PHRF1: variants seen among roughly 807,000 people sequenced by gnomAD.
The protein encoded by PHRF1 is PHD and RING finger domain-containing protein 1.
A neutral mutation model predicts 128.9 loss-of-function variants in PHRF1; 53 were observed. That is an observed-to-expected ratio of 0.41 (90% CI 0.33 to 0.52). The LOEUF is 0.52. Ranked by LOEUF, PHRF1 falls within the 20% of genes least tolerant of loss-of-function variation. The pLI is 0.21. For synonymous variants in PHRF1, 1,178 were observed against 980.6 expected, an observed-to-expected ratio of 1.20 and a Z score of -3.76; for missense variants, 2,503 against 2,284.5, an observed-to-expected ratio of 1.10 and a Z score of -1.95.
intron 1 of PHRF1, among the ~76,000 whole-genome samples, chr11:577,420 C>G (rs546623759): frequency 6.6e-6 from 1 of 152,352 alleles, no homozygotes; most frequent in South Asian, 2.1e-4. Flanking sequence ...TGGACAGGCT[C>G]TGAGGCCGAG....
At chr11:580,464 C>T (rs1331232203) in intron 1 of PHRF1, among the ~76,000 whole-genome samples, 3 of 152,190 alleles carry the variant, frequency 2.0e-5, no homozygotes, top group Non-Finnish European at 4.4e-5. Context: ...TCTGTGCCTT[C>T]TGCCTCCTCA....
At chr11:606,913 C>T in intron 13 of PHRF1, 153 bp from the exon 14 acceptor site, 2 of 1,273,084 alleles carry the variant, frequency 1.6e-6, no homozygotes, top group Non-Finnish European at 1.1e-6. Flanking sequence ...AAGCAGCTCT[C>T]CGGGTGTGGA....
At chr11:611,255 T>C (rs1430879910) in intron 17 of PHRF1, among the ~76,000 whole-genome samples, 173 bp downstream of exon 17, 1 of 152,172 alleles carries the variant, frequency 6.6e-6, no homozygotes, top group Middle Eastern at 3.2e-3. Context: ...TCAAGCCTGT[T>C]CGCCTGTGGC....
intron 1 of PHRF1, among the ~76,000 whole-genome samples, chr11:577,388 C>A (rs980980878): frequency 6.6e-6 from 1 of 152,216 alleles, no homozygotes; most frequent in African/African-American, 2.4e-5. Flanking sequence ...GCTGGGTGAA[C>A]CACGTTCTGG....
chr11:606,747 T>A, intron 13 of PHRF1, 151 bp downstream of exon 13: 1 of 1,208,598 alleles, frequency 8.3e-7, no homozygotes, highest in East Asian at 2.6e-5. Context: ...ATTTCCCTTC[T>A]TGAGCAGTTT....
intron 3 of PHRF1, among the ~76,000 whole-genome samples, chr11:584,515 G>A (rs1854407075): frequency 6.6e-6 from 1 of 152,136 alleles, no homozygotes; most frequent in Non-Finnish European, 1.5e-5. Flanking sequence ...ACCTGGGGTG[G>A]GGAGAGGCTT....
Position 581,438 on chromosome 11 carries a change from G to A in PHRF1, c.-21-54G>A. Reference sequence around the variant, plus strand: ...GGGGAGAGGTCATAACTCTTCAGAGGGTTCTTTGCAGCCTGGGACAGTTTG... The same window carrying A: ...GGGGAGAGGTCATAACTCTTCAGAGAGTTCTTTGCAGCCTGGGACAGTTTG... On this transcript the variant is annotated intron_variant, in intron 1 of 17. Transcript: ENST00000264555. The A allele has an allele frequency of 3.3e-6, 5 of 1,517,732 alleles. No individual in the cohort carries two copies. In the South Asian group the frequency reaches 5.8e-5, roughly 18 times the overall value. The allele number at this position is 1,517,732 out of a possible 1,614,324, so 94.0% of individuals were successfully genotyped here.
chr11:610,165 G>A (rs776969725), intron 14 of PHRF1, 31 bp from the exon 15 acceptor site: 60 of 1,476,592 alleles, frequency 4.1e-5, no homozygotes, highest in Non-Finnish European at 5.3e-5. Flanking sequence ...TGGGCACAGA[G>A]CACCCACCTC....
At chr11:606,620 C>G (rs767181492) in intron 13 of PHRF1, 24 bp downstream of exon 13, 15 of 1,578,596 alleles carry the variant, frequency 9.5e-6, no homozygotes, top group Admixed American at 1.7e-5. Flanking sequence ...CTGCCACGGC[C>G]CCTTCCTCTG....
intron 4 of PHRF1, among the ~76,000 whole-genome samples, chr11:587,992 A>G (rs1353744720): frequency 6.6e-6 from 1 of 152,144 alleles, no homozygotes; most frequent in Non-Finnish European, 1.5e-5. Context: ...CCCTTTCTGA[A>G]TATTGTGAAA....
chr11:583,079 G>A (rs1045827989), intron 3 of PHRF1, among the ~76,000 whole-genome samples: 2 of 151,166 alleles, frequency 1.3e-5, no homozygotes, highest in South Asian at 2.1e-4. Flanking sequence ...GGTGGCTCAC[G>A]CCTGTAATCC....
intron 5 of PHRF1, 86 bp downstream of exon 5, chr11:591,553 C>T: frequency 6.1e-6 from 7 of 1,149,198 alleles, no homozygotes; most frequent in South Asian, 1.6e-5. Context: ...AGTGGGCTTG[C>T]TCTCCTGAAA....
intron 11 of PHRF1, 61 bp from the exon 12 acceptor site, chr11:605,544 G>A: frequency 6.3e-7 from 1 of 1,594,948 alleles, no homozygotes; most frequent in East Asian, 2.2e-5. Flanking sequence ...CGTCTCCCTG[G>A]GCTGGGGTTT....
intron 6 of PHRF1, among the ~76,000 whole-genome samples, chr11:594,052 A>G (rs1433066110): frequency 6.6e-6 from 1 of 152,198 alleles, no homozygotes. Context: ...CCCTGGGCAC[A>G]GTGCTTATTG....
intron 14 of PHRF1, 39 bp from the exon 15 acceptor site, chr11:610,157 G>A (rs1197162878): frequency 2.0e-6 from 3 of 1,469,280 alleles, no homozygotes; most frequent in Admixed American, 2.6e-5. Flanking sequence ...GGCAGGGGTG[G>A]GCACAGAGCA....
In PHRF1 at chr11:601,673, T is replaced by A; in HGVS notation, c.1124T>A (p.Val375Glu). Residue 375 changes from valine to glutamate, a missense_variant, in exon 10 of 18, where the codon GTG becomes GAG. Physicochemically the swap from Val to Glu is moderately radical, Grantham distance 121 (BLOSUM62 -2). Coordinates refer to ENST00000264555, the MANE Select transcript of PHRF1 (RefSeq NM_001286581.2). The part of the protein sequence containing the change: ...ATRSKKRQHR[V>E]KKRRGKKVKS... ...AGATCTAAGAAACGCCAACATCGAG[T>A]GAAGAAGAGAAGAGGGAAGAAGGTA... 6.2e-7 allele frequency: 1 copy of A among 1,613,094 alleles called. No homozygotes were observed. The highest frequency in any genetic ancestry group is 8.5e-7 in the Non-Finnish European group (1 of 1,179,740).
intron 3 of PHRF1, among the ~76,000 whole-genome samples, chr11:586,496 G>A (rs923569720): frequency 6.6e-6 from 1 of 152,210 alleles, no homozygotes; most frequent in African/African-American, 2.4e-5. Context: ...GAACCGGGAG[G>A]GTTTGGAGGG....
At position 611,989 on chromosome 11, in the gene PHRF1, G is replaced by C; in HGVS notation, c.*212G>C. 2.9e-6 allele frequency: 2 copies of C among 695,000 alleles called. No individual in the cohort carries two copies. Among genetic ancestry groups the C allele is most frequent in the Admixed American group, 3.0e-5 (1 of 33,404 alleles). 43.1% of individuals were successfully genotyped at this position (695,000 alleles called of 1,614,324 possible). ...CTGTGTTGCTCACAGTTGAAAACTG[G>C]ACACTTTTGTATGTATATTATAGAG... On this transcript the variant is annotated 3_prime_UTR_variant, in exon 18 of 18. Transcript: ENST00000264555.
rs755034473 is a variant in PHRF1, at chr11:592,618, G to T, written c.564G>T (p.Val188=). The T allele has an allele frequency of 1.2e-6, 2 of 1,614,106 alleles. No individual in the cohort carries two copies. Among genetic ancestry groups the T allele is most frequent in the Non-Finnish European group, 1.7e-6 (2 of 1,179,912 alleles). Residue 188 remains valine, a synonymous_variant, in exon 6 of 18, where the codon GTG becomes GTT. Transcript: ENST00000264555. ...EEEEDPTFCE[V]CGRSDREDRL... ...AGGAGGACCCGACCTTCTGTGAGGT[G>T]TGCGGCAGGAGCGACCGTGAGGACA...
Sources: gnomAD v4.1 joint callset for allele counts (sites outside exome capture counted in the v4.1 genomes callset) on GRCh38, gnomAD v4.1.1 for gene constraint, MANE v1.5 for transcripts, NCBI Gene and HGNC (gene_info 2026-07-23, HGNC 2026-07-21) for gene names.